The following TFCP2L1 variants were observed in gnomAD, a reference collection of about 807,000 sequenced individuals.
TFCP2L1 encodes the protein transcription factor CP2-like protein 1.
Under a neutral mutation model 72.2 loss-of-function variants are expected in TFCP2L1, and 12 were observed. That is an observed-to-expected ratio of 0.17 (90% CI 0.11 to 0.27). The LOEUF (loss-of-function observed/expected upper bound fraction) is 0.27. TFCP2L1 is among the 10% of genes least tolerant of loss of function. TFCP2L1 has a pLI of 1.00. For synonymous variants in TFCP2L1, 260 were observed against 251.0 expected, an observed-to-expected ratio of 1.04 and a Z score of -0.34; for missense variants, 488 against 624.6, an observed-to-expected ratio of 0.78 and a Z score of 2.33.
At position 121,219,791 on chromosome 2, in the gene TFCP2L1, G is replaced by C. The variant is rs890520904; in HGVS notation, c.*4550C>G. The C allele has an allele frequency of 2.0e-5, 3 of 152,166 alleles. No individual in the cohort carries two copies. The highest frequency in any genetic ancestry group is 7.2e-5 in the African/African-American group (3 of 41,438). 9.4% of individuals were successfully genotyped at this position (152,166 alleles called of 1,614,324 possible). On this transcript the variant is annotated 3_prime_UTR_variant, in exon 15 of 15. Transcript: ENST00000263707. ...CAGCTTTTTGTACGATTTTGATGGA[G>C]GGAAAAATGGGAAAACCCCTCAGAT... is the stretch of plus-strand genomic sequence containing the variant.
In TFCP2L1 at chr2:121,285,085, C is replaced by A; in HGVS notation, c.25G>T (p.Glu9Ter). 1 of 1,524,786 alleles carries A rather than the reference C, an allele frequency of 6.6e-7. No homozygotes were observed. The highest frequency in any genetic ancestry group is 2.1e-5 in the Admixed American group (1 of 47,384). 94.5% of individuals were successfully genotyped at this position (1,524,786 alleles called of 1,614,324 possible). A position where few individuals can be genotyped will look rare whatever the true frequency, so the allele number is the denominator to read the frequency against. ...CCGGAGTTGTGCTGGTTGTAGTGCT[C>A]GGGCTGCGTGTGCCAGAAGAGCATG... Reference protein sequence around the residue: MLFWHTQPEHYNQHNSGSY... With the variant: MLFWHTQP The change falls in exon 1 of 15, where the codon GAG becomes TAG. Residue 9 changes from glutamate (E) to a stop codon, truncating the protein, a stop_gained. Coordinates refer to ENST00000263707, the MANE Select transcript of TFCP2L1 (RefSeq NM_014553.3). LOFTEE classifies it high-confidence loss of function.
chr2:121,284,817 G>C (rs751722625), intron 1 of TFCP2L1, among the ~76,000 whole-genome samples: 9 of 152,174 alleles, frequency 5.9e-5, no homozygotes, highest in Non-Finnish European at 1.2e-4. Context: ...CAGACATAGG[G>C]CTCTGCGCGC....
chr2:121,232,134 T>C (rs1686158339), intron 12 of TFCP2L1, among the ~76,000 whole-genome samples, 166 bp from the exon 13 acceptor site: 1 of 146,026 alleles, frequency 6.8e-6, no homozygotes, highest in Non-Finnish European at 1.5e-5. Context: ...TTTGTTTTGT[T>C]TTGTTTTGTT....
rs796595199 is a variant in TFCP2L1, at chr2:121,228,772, C to A, written c.1341+3054G>T. Among the ~76,000 whole-genome samples, 108 of 58,184 alleles carry A rather than the reference C, an allele frequency of 1.9e-3. 2 individuals are homozygous for A. Among genetic ancestry groups the A allele is most frequent in the African/African-American group, 5.7e-3 (74 of 13,020 alleles). The allele number at this position is 58,184 out of a possible 152,430, so 38.2% of individuals were successfully genotyped here. Reference sequence around the variant, plus strand: ...GGTTACAGAGTGAAACCGTGACTCACAAAAAAAAAAAAAAAAAAAAAAAAG... The same window carrying A: ...GGTTACAGAGTGAAACCGTGACTCAAAAAAAAAAAAAAAAAAAAAAAAAAG... On this transcript the variant is annotated intron_variant, in intron 13 of 14. Transcript: ENST00000263707.
chr2:121,224,292 G>A lies in TFCP2L1; in HGVS notation c.*49C>T, dbSNP rs1213760720. On this transcript the variant is annotated 3_prime_UTR_variant, in exon 15 of 15. Coordinates refer to ENST00000263707, the MANE Select transcript of TFCP2L1 (RefSeq NM_014553.3). Reference sequence around the variant, plus strand: ...CAGTGGGGCAATGTCTACATCCACGGGGATCCACAGGGCTGGGAGCTGGAG... The same window carrying A: ...CAGTGGGGCAATGTCTACATCCACGAGGATCCACAGGGCTGGGAGCTGGAG... 2 of 1,608,904 alleles carry A rather than the reference G, an allele frequency of 1.2e-6. No individual in the cohort carries two copies. The highest frequency in any genetic ancestry group is 1.7e-6 in the Non-Finnish European group (2 of 1,176,626).
chr2:121,274,500 TA>T (rs1320908538), intron 2 of TFCP2L1, among the ~76,000 whole-genome samples: 4 of 152,214 alleles, frequency 2.6e-5, no homozygotes, highest in African/African-American at 9.6e-5. Flanking sequence ...CTAAGGTGTA[TA>T]TGAAACATAA....
chr2:121,257,674 T>C (rs1201263965), intron 2 of TFCP2L1, among the ~76,000 whole-genome samples: 1 of 152,218 alleles, frequency 6.6e-6, no homozygotes, highest in East Asian at 1.9e-4. Flanking sequence ...TTCAGCTTTG[T>C]AGGACATAAG....
chr2:121,252,366 A>C (rs954846139), intron 2 of TFCP2L1, among the ~76,000 whole-genome samples: 6 of 152,172 alleles, frequency 3.9e-5, no homozygotes, highest in African/African-American at 1.4e-4. Context: ...TATATAGCTC[A>C]AAAAGCAATT....
intron 12 of TFCP2L1, 151 bp downstream of exon 12, chr2:121,233,940 T>A (rs2104671661): frequency 1.5e-6 from 1 of 687,376 alleles, no homozygotes; most frequent in Non-Finnish European, 2.5e-6. Context: ...GCAAGGAGCA[T>A]GCACTAGGCT....
At chr2:121,254,123 C>G (rs1320728184) in intron 2 of TFCP2L1, among the ~76,000 whole-genome samples, 1 of 152,210 alleles carries the variant, frequency 6.6e-6, no homozygotes, top group Non-Finnish European at 1.5e-5. Context: ...CGGGTCGTGT[C>G]TGTTCTGCTC....
At chr2:121,235,348 A>T (rs1250537869) in intron 10 of TFCP2L1, 37 bp from the exon 11 acceptor site, 3 of 1,609,908 alleles carry the variant, frequency 1.9e-6, no homozygotes, top group Middle Eastern at 1.7e-4. Context: ...TGTTACATGG[A>T]ACCCAGAGAA....
At chr2:121,245,301 A>G (rs1686458919) in intron 6 of TFCP2L1, among the ~76,000 whole-genome samples, 1 of 152,150 alleles carries the variant, frequency 6.6e-6, no homozygotes, top group African/African-American at 2.4e-5. Flanking sequence ...GAGCCTCGGG[A>G]AAGGAACACA....
chr2:121,281,629 G>A (rs1439124065), intron 1 of TFCP2L1, among the ~76,000 whole-genome samples: 1 of 152,136 alleles, frequency 6.6e-6, no homozygotes, highest in Non-Finnish European at 1.5e-5. Flanking sequence ...CTATCCACAA[G>A]CGATCACTCA....
intron 7 of TFCP2L1, among the ~76,000 whole-genome samples, chr2:121,241,792 AT>A (rs755804049): frequency 2.0e-5 from 3 of 152,150 alleles, no homozygotes; most frequent in Non-Finnish European, 2.9e-5. Flanking sequence ...ATCACACATG[AT>A]GCCATGCAGC....
rs553710165 is a variant in TFCP2L1, at chr2:121,258,449, A to C, written c.215-8802T>G. Among the ~76,000 whole-genome samples, 15 of 152,354 alleles carry C rather than the reference A, an allele frequency of 9.8e-5. No homozygotes were observed. The South Asian group carries it at 2.1e-3, about 21-fold the overall frequency. On this transcript the variant is annotated intron_variant, in intron 2 of 14. Coordinates refer to ENST00000263707, the MANE Select transcript of TFCP2L1 (RefSeq NM_014553.3). Reference sequence around the variant, plus strand: ...ACTGGAAATGAACAAAATGGTCAGCAATCACGTTACTACTAAACCTTGGGG... The same window carrying C: ...ACTGGAAATGAACAAAATGGTCAGCCATCACGTTACTACTAAACCTTGGGG...
intron 13 of TFCP2L1, among the ~76,000 whole-genome samples, chr2:121,227,986 A>G (rs1287540060): frequency 2.0e-5 from 3 of 152,228 alleles, no homozygotes; most frequent in Non-Finnish European, 4.4e-5. Context: ...CAGAGCCCAC[A>G]TGGGCTTAAT....
intron 2 of TFCP2L1, among the ~76,000 whole-genome samples, chr2:121,269,148 A>C (rs1458701540): frequency 6.6e-6 from 1 of 152,134 alleles, no homozygotes; most frequent in African/African-American, 2.4e-5. Context: ...ATAAAAATTT[A>C]TCTTAAAAAC....
chr2:121,225,442 G>T, intron 14 of TFCP2L1, 120 bp downstream of exon 14: 1 of 959,224 alleles, frequency 1.0e-6, no homozygotes, highest in East Asian at 2.4e-5. Flanking sequence ...GAGAGTTTGT[G>T]CTTTCTTTTT....
chr2:121,255,134 G>A (rs1686689130), intron 2 of TFCP2L1, among the ~76,000 whole-genome samples: 2 of 152,226 alleles, frequency 1.3e-5, no homozygotes, highest in Non-Finnish European at 2.9e-5. Flanking sequence ...GGTGTCACGT[G>A]CTGGGCACAA....
Sources: gnomAD v4.1 joint callset for allele counts (sites outside exome capture counted in the v4.1 genomes callset) on GRCh38, gnomAD v4.1.1 for gene constraint, MANE v1.5 for transcripts, NCBI Gene and HGNC (gene_info 2026-07-23, HGNC 2026-07-21) for gene names.